Variants in CSGALNACT1 observed in about 807,000 individuals in gnomAD.
The protein encoded by CSGALNACT1 is chondroitin sulfate N-acetylgalactosaminyltransferase 1.
In CSGALNACT1, 52 loss-of-function variants were observed where a neutral mutation model predicts 51.0. The ratio of observed to expected loss-of-function variants is 1.02; its 90% CI spans 0.82 to 1.29. The LOEUF is 1.29. CSGALNACT1 is among the 50% of genes most tolerant of loss of function. The pLI is 0.00. For missense variants in CSGALNACT1, 935 were observed against 679.2 expected, an observed-to-expected ratio of 1.38 and a Z score of -4.19; for synonymous variants, 341 against 254.4, an observed-to-expected ratio of 1.34 and a Z score of -3.24.
At position 19,580,634 on chromosome 8, in the gene CSGALNACT1, C is replaced by G. The variant is rs373160105; in HGVS notation, c.-297+10526G>C. On this transcript the variant is annotated intron_variant, in intron 3 of 9. Transcript: ENST00000454498. ...AAATGTTCACATACAGTATCAGGCA[C>G]TTAATAAAAAATTACAAAGCCTGAT... 1.7e-3 allele frequency among the ~76,000 whole-genome samples: 260 copies of G among 152,212 alleles called. 1 individual carries two copies. The South Asian group carries it at 0.019, about 11-fold the overall frequency.
At chr8:19,651,317 G>A (rs753266483) in intron 1 of CSGALNACT1, among the ~76,000 whole-genome samples, 1 of 151,856 alleles carries the variant, frequency 6.6e-6, no homozygotes, top group East Asian at 1.9e-4. Context: ...TCTCTTACAT[G>A]GGTAAACAGC....
At chr8:19,437,346 G>A (rs540638831) in intron 6 of CSGALNACT1, among the ~76,000 whole-genome samples, 1 of 152,210 alleles carries the variant, frequency 6.6e-6, no homozygotes, top group Non-Finnish European at 1.5e-5. Context: ...CTAGGGAGCA[G>A]TGAGTCGTAA....
intron 4 of CSGALNACT1, 116 bp downstream of exon 3, chr8:19,505,085 T>C (rs959341305): frequency 4.4e-6 from 5 of 1,148,208 alleles, no homozygotes; most frequent in East Asian, 2.4e-5. Context: ...CACATAAAAC[T>C]TTCCGCCAGC....
intron 3 of CSGALNACT1, among the ~76,000 whole-genome samples, chr8:19,565,323 T>C (rs1253217667): frequency 6.6e-6 from 1 of 152,106 alleles, no homozygotes; most frequent in East Asian, 1.9e-4. Context: ...CTCCCCTCAG[T>C]CTCCTCTGGC....
chr8:19,458,511 G>C, exon 5 of CSGALNACT1: 2 of 1,614,146 alleles, frequency 1.2e-6, no homozygotes, highest in Non-Finnish European at 1.7e-6. Flanking sequence ...GCCATGTTGA[G>C]CTTTTCATTT....
chr8:19,511,685 G>A (rs969082910), intron 3 of CSGALNACT1, among the ~76,000 whole-genome samples: 7 of 152,230 alleles, frequency 4.6e-5, no homozygotes, highest in Non-Finnish European at 1.0e-4. Context: ...ACACTGTACT[G>A]GGGTCTTGAT....
intron 1 of CSGALNACT1, among the ~76,000 whole-genome samples, chr8:19,673,856 C>T (rs2059972813): frequency 1.3e-5 from 2 of 152,208 alleles, no homozygotes; most frequent in African/African-American, 4.8e-5. Context: ...TTGGTGCACT[C>T]AACCAACAAA....
rs1332621535 is a variant in CSGALNACT1 at position 19,696,464 on chromosome 8, C to T, written c.-297+61386G>A. The stretch of plus-strand genomic sequence containing the variant: ...CATAATTGGAACAGGGCATATGAAA[C>T]ACCACGATGCAGATGTACATAAAGG... On this transcript the variant is annotated intron_variant, in intron 1 of 1. Transcript: ENST00000517494. Among the ~76,000 whole-genome samples, 3 of 152,164 alleles carry T rather than the reference C, an allele frequency of 2.0e-5. No homozygotes were observed. In the East Asian group the frequency reaches 5.8e-4, roughly 29 times the overall value.
intron 1 of CSGALNACT1, among the ~76,000 whole-genome samples, chr8:19,725,294 G>T (rs143895810): frequency 1.3e-5 from 2 of 152,186 alleles, no homozygotes; most frequent in Non-Finnish European, 2.9e-5. Context: ...AAGAATCTGC[G>T]TCCTGGCTGC....
At chr8:19,689,615 T>A (rs2061175702) in intron 1 of CSGALNACT1, among the ~76,000 whole-genome samples, 1 of 152,218 alleles carries the variant, frequency 6.6e-6, no homozygotes, top group African/African-American at 2.4e-5. Context: ...GAATTTTCTA[T>A]GTATTAAACT....
intron 1 of CSGALNACT1, among the ~76,000 whole-genome samples, chr8:19,659,135 T>G (rs980250416): frequency 1.3e-5 from 2 of 152,172 alleles, no homozygotes; most frequent in Non-Finnish European, 2.9e-5. Context: ...CATTTTAAAG[T>G]TTGATGTACC....
chr8:19,504,819 CAAT>C (rs1377526682), intron 4 of CSGALNACT1, among the ~76,000 whole-genome samples: 1 of 152,154 alleles, frequency 6.6e-6, no homozygotes, highest in Non-Finnish European at 1.5e-5. Context: ...CATGTAAGTG[CAAT>C]AATATGTGCG....
At chr8:19,461,451 A>G (rs914242646) in intron 4 of CSGALNACT1, among the ~76,000 whole-genome samples, 1 of 151,050 alleles carries the variant, frequency 6.6e-6, no homozygotes, top group Non-Finnish European at 1.5e-5. Flanking sequence ...TATGCAGGGC[A>G]TAACTGCACA....
intron 1 of CSGALNACT1, among the ~76,000 whole-genome samples, chr8:19,612,800 C>G (rs773219188): frequency 6.6e-6 from 1 of 151,828 alleles, no homozygotes; most frequent in East Asian, 1.9e-4. Flanking sequence ...TAAAAACACA[C>G]CATTTTCTCT....
At chr8:19,635,894 A>AT (rs1425212461) in intron 1 of CSGALNACT1, among the ~76,000 whole-genome samples, 2 of 151,874 alleles carry the variant, frequency 1.3e-5, no homozygotes, top group African/African-American at 2.4e-5. Flanking sequence ...TGCCCGGCTC[A>AT]TTTTTTTGTA....
At chr8:19,671,822 T>C (rs974405643) in intron 1 of CSGALNACT1, among the ~76,000 whole-genome samples, 3 of 152,154 alleles carry the variant, frequency 2.0e-5, no homozygotes, top group East Asian at 1.9e-4. Flanking sequence ...TACTGTTTTA[T>C]TGGCTTTTTT....
intron 5 of CSGALNACT1, among the ~76,000 whole-genome samples, chr8:19,447,818 G>C (rs771025340): frequency 2.6e-5 from 4 of 152,226 alleles, no homozygotes; most frequent in Non-Finnish European, 4.4e-5. Flanking sequence ...ACCAGCTTTT[G>C]TGGACTCACC....
chr8:19,636,430 G>A (rs755075942), intron 1 of CSGALNACT1, among the ~76,000 whole-genome samples: 2 of 152,172 alleles, frequency 1.3e-5, no homozygotes, highest in African/African-American at 2.4e-5. Flanking sequence ...GGAAACGACT[G>A]TGTAAGCGAT....
At chr8:19,697,086 TGA>T (rs1391621546) in intron 1 of CSGALNACT1, among the ~76,000 whole-genome samples, 1 of 151,934 alleles carries the variant, frequency 6.6e-6, no homozygotes, top group African/African-American at 2.4e-5. Flanking sequence ...ACGGGAAGTG[TGA>T]GTTTCAAGTA....
Sources: allele counts gnomAD v4.1 joint callset (sites outside exome capture counted in the v4.1 genomes callset), GRCh38; gene constraint gnomAD v4.1.1; transcripts MANE v1.5; gene names NCBI Gene and HGNC (gene_info 2026-07-23, HGNC 2026-07-21).